Variants in AJAP1 observed in about 807,000 individuals in gnomAD.
AJAP1 encodes adherens junction-associated protein 1.
Under a neutral mutation model 35.0 loss-of-function variants are expected in AJAP1, and 5 were observed. That is an observed-to-expected ratio of 0.14 (90% CI 0.07 to 0.30). The LOEUF is 0.30. Ranked by LOEUF, AJAP1 falls within the 10% of genes least tolerant of loss-of-function variation. The pLI is 1.00. For missense variants in AJAP1, 586 were observed against 571.0 expected (o/e 1.03, Z -0.27); for synonymous variants, 284 against 249.3 (o/e 1.14, Z -1.31).
intron 1 of AJAP1, among the ~76,000 whole-genome samples, chr1:4,698,271 G>A (rs1022275591): frequency 6.6e-6 from 1 of 151,904 alleles, no homozygotes; most frequent in African/African-American, 2.4e-5. Context: ...CCCCCACGCC[G>A]CTGTCCCCTG....
intron 1 of AJAP1, among the ~76,000 whole-genome samples, chr1:4,687,423 C>G (rs1001715141): frequency 6.6e-6 from 1 of 152,190 alleles, no homozygotes; most frequent in Non-Finnish European, 1.5e-5. Context: ...TGATTCAGGT[C>G]ATGCTCAGCG....
At chr1:4,755,220 G>A (rs1241373413) in intron 2 of AJAP1, among the ~76,000 whole-genome samples, 3 of 152,170 alleles carry the variant, frequency 2.0e-5, no homozygotes, top group African/African-American at 7.2e-5. Flanking sequence ...ATGGCTGTTG[G>A]TGTCATAAAG....
In AJAP1 at chr1:4,776,471, C is replaced by G. The variant is rs564457967; in HGVS notation, c.*59+1913C>G. On this transcript the variant is annotated intron_variant, in intron 5 of 5. Coordinates refer to ENST00000378191, the MANE Select transcript of AJAP1 (RefSeq NM_018836.4). ...GATGGCTGCCTGGCTCCGGGACATC[C>G]CCTGCCTACTCCACAGGCCTGAGCC... is the stretch of plus-strand genomic sequence containing the variant. Among the ~76,000 whole-genome samples the G allele has an allele frequency of 9.8e-5, 15 of 152,320 alleles. No individual in the cohort carries two copies. The South Asian group carries it at 3.1e-3, about 32-fold the overall frequency.
chr1:4,732,184 G>T (rs1557630511), intron 2 of AJAP1, among the ~76,000 whole-genome samples: 1 of 152,246 alleles, frequency 6.6e-6, no homozygotes, highest in African/African-American at 2.4e-5. Flanking sequence ...CATGATGTGG[G>T]GATGGGGCAC....
chr1:4,736,201 C>T (rs987696652), intron 2 of AJAP1, among the ~76,000 whole-genome samples: 1 of 152,230 alleles, frequency 6.6e-6, no homozygotes, highest in Non-Finnish European at 1.5e-5. Context: ...CACATAGTTG[C>T]CCCATCAGTT....
chr1:4,679,021 A>G (rs189765437), intron 1 of AJAP1, among the ~76,000 whole-genome samples: 3 of 152,354 alleles, frequency 2.0e-5, no homozygotes, highest in East Asian at 3.9e-4. Context: ...AAACTGCACA[A>G]TCAGGTGCAC....
At chr1:4,689,711 G>T (rs1209239073) in intron 1 of AJAP1, among the ~76,000 whole-genome samples, 1 of 152,218 alleles carries the variant, frequency 6.6e-6, no homozygotes, top group African/African-American at 2.4e-5. Flanking sequence ...TGAGCATCCG[G>T]CATGAGCACG....
At chr1:4,687,847 G>T (rs558155266) in intron 1 of AJAP1, among the ~76,000 whole-genome samples, 51 of 152,254 alleles carry the variant, frequency 3.3e-4, no homozygotes, top group Admixed American at 3.1e-3. Flanking sequence ...TCCTTCATCC[G>T]CCAGGCCTCT....
At chr1:4,702,893 A>G (rs1335347184) in intron 1 of AJAP1, among the ~76,000 whole-genome samples, 1 of 152,160 alleles carries the variant, frequency 6.6e-6, no homozygotes, top group Non-Finnish European at 1.5e-5. Context: ...CCCCCAGACA[A>G]CCAGGGCTGA....
chr1:4,735,380 A>G lies in AJAP1; in HGVS notation c.829+22681A>G, dbSNP rs1173332281. Among the ~76,000 whole-genome samples, 3 of 152,114 alleles carry G rather than the reference A, an allele frequency of 2.0e-5. 1 individual carries two copies. The highest frequency in any genetic ancestry group is 4.1e-4 in the South Asian group (2 of 4,820). On this transcript the variant is annotated intron_variant, in intron 2 of 5. Coordinates refer to ENST00000378191, the MANE Select transcript of AJAP1 (RefSeq NM_018836.4). ...GTGCATCAGTGGGGTGAGAACGCCT[A>G]TTGGGAGAGGGGACCAATTTGGGCC...
In AJAP1 at chr1:4,748,410, G is replaced by A. The variant is rs149859566; in HGVS notation, c.830-21443G>A. On this transcript the variant is annotated intron_variant, in intron 2 of 5. Coordinates refer to ENST00000378191, the MANE Select transcript of AJAP1 (RefSeq NM_018836.4). ...AAGGGGGAGGCACTGCCTAGGCGTC[G>A]GCCTCTGTGACTGGTAGTCACGACG... Among the ~76,000 whole-genome samples, 11 of 152,250 alleles carry A rather than the reference G, an allele frequency of 7.2e-5. No homozygotes were observed. In the East Asian group the frequency reaches 1.4e-3, roughly 19 times the overall value.
At chr1:4,666,126 G>A (rs1639111679) in intron 1 of AJAP1, among the ~76,000 whole-genome samples, 1 of 149,002 alleles carries the variant, frequency 6.7e-6, no homozygotes, top group African/African-American at 2.5e-5. Flanking sequence ...CAGTGAAATA[G>A]CCCACTGAGG....
At chr1:4,680,410 G>T (rs1050362416) in intron 1 of AJAP1, among the ~76,000 whole-genome samples, 3 of 152,178 alleles carry the variant, frequency 2.0e-5, no homozygotes, top group Admixed American at 2.0e-4. Context: ...TTCAAAATAA[G>T]GTCACAGTCT....
intron 2 of AJAP1, among the ~76,000 whole-genome samples, chr1:4,740,258 G>GC (rs1299220120): frequency 1.5e-5 from 2 of 132,198 alleles, no homozygotes; most frequent in East Asian, 4.5e-4. Flanking sequence ...AAATAAACCG[G>GC]CCACAAAAGG....
intron 2 of AJAP1, among the ~76,000 whole-genome samples, chr1:4,740,785 C>CA (rs34897087): frequency 0.4 from 26,597 of 66,852 alleles, 5,807 homozygotes; most frequent in Non-Finnish European, 0.45. Flanking sequence ...GACTCCGTCT[C>CA]AAAAAAAAAA....
intron 1 of AJAP1, among the ~76,000 whole-genome samples, chr1:4,705,445 C>T (rs1640082025): frequency 7.4e-6 from 1 of 135,620 alleles, no homozygotes; most frequent in South Asian, 2.6e-4. Flanking sequence ...GTACTCCTCC[C>T]CCTCCAAGAA....
rs1351452261 is a variant in AJAP1 at position 4,791,442 on chromosome 1, C to T, written c.*8957C>T. On this transcript the variant is annotated 3_prime_UTR_variant, in exon 6 of 6. Transcript: ENST00000378191. Reference sequence around the variant, plus strand: ...TGTTTAATTCTGTAGAAACTGTTCACGAAAGGCTGAATGAGTGGGGACAAG... The same window carrying T: ...TGTTTAATTCTGTAGAAACTGTTCATGAAAGGCTGAATGAGTGGGGACAAG... 3 of 152,180 alleles carry T rather than the reference C, an allele frequency of 2.0e-5. No homozygotes were observed. Among genetic ancestry groups the T allele is most frequent in the East Asian group, 3.8e-4 (2 of 5,196 alleles). 9.4% of individuals were successfully genotyped at this position (152,180 alleles called of 1,614,324 possible). A position where few individuals can be genotyped will look rare whatever the true frequency, so the allele number is the denominator to read the frequency against.
chr1:4,688,339 G>A (rs1639656280), intron 1 of AJAP1, among the ~76,000 whole-genome samples: 1 of 152,190 alleles, frequency 6.6e-6, no homozygotes, highest in Non-Finnish European at 1.5e-5. Flanking sequence ...AAGTCCTCAG[G>A]TGAAATGCAA....
At position 4,656,225 on chromosome 1, in the gene AJAP1, C is replaced by A. The variant is rs1353299059; in HGVS notation, c.29+771C>A. ...CCCGTGGTGGGGGTGTCCAGAAAGA[C>A]CCTTCTCGGCAAACTTTGCCAGCCC... On this transcript the variant is annotated intron_variant, in intron 1 of 5. Coordinates refer to ENST00000378191, the MANE Select transcript of AJAP1 (RefSeq NM_018836.4). The surrounding 1 kb of genome is among the most constrained non-coding windows in gnomAD (Gnocchi z 5.7). 1.3e-5 allele frequency among the ~76,000 whole-genome samples: 2 copies of A among 152,162 alleles called. No homozygotes were observed. The highest frequency in any genetic ancestry group is 1.3e-4 in the Admixed American group (2 of 15,282).
Sources: gnomAD v4.1 joint callset for allele counts (sites outside exome capture counted in the v4.1 genomes callset) on GRCh38, gnomAD v4.1.1 for gene constraint, Gnocchi (gnomAD v3.1) non-coding constraint, MANE v1.5 for transcripts, NCBI Gene and HGNC (gene_info 2026-07-23, HGNC 2026-07-21) for gene names.